The following LRFN2 variants were observed in gnomAD, a reference collection of about 807,000 sequenced individuals.
The protein encoded by LRFN2 is leucine rich repeat and fibronectin type III domain containing 2.
A neutral mutation model predicts 37.3 loss-of-function variants in LRFN2; 18 were observed. The observed-to-expected ratio is 0.48, with a 90% confidence interval of 0.33 to 0.72. The LOEUF (loss-of-function observed/expected upper bound fraction) is 0.72, where lower values mean the gene tolerates loss of function less well. Ranked by LOEUF, LRFN2 falls within the 30% of genes least tolerant of loss-of-function variation. The pLI is 0.02. For missense variants in LRFN2, 1,006 were observed against 1,060.7 expected (o/e 0.95, Z 0.72); for synonymous variants, 556 against 466.6 (o/e 1.19, Z -2.47).
At chr6:40,532,052 C>T (rs1048494899) in intron 1 of LRFN2, among the ~76,000 whole-genome samples, 2 of 152,360 alleles carry the variant, frequency 1.3e-5, no homozygotes, top group South Asian at 2.1e-4. Context: ...TCTAACCCCA[C>T]CTACCTTTCC....
chr6:40,544,170 C>T (rs1014475429), intron 1 of LRFN2, among the ~76,000 whole-genome samples: 3 of 152,280 alleles, frequency 2.0e-5, no homozygotes, highest in South Asian at 2.1e-4. Flanking sequence ...GTGTGTGCTG[C>T]GAGCGCACCA....
chr6:40,496,405 C>T (rs1044666598), intron 1 of LRFN2, among the ~76,000 whole-genome samples: 1 of 152,216 alleles, frequency 6.6e-6, no homozygotes, highest in South Asian at 2.1e-4. Flanking sequence ...GTAAAAGACA[C>T]AGCCCCCACT....
At chr6:40,396,562 G>A (rs543422885) in intron 2 of LRFN2, among the ~76,000 whole-genome samples, 3 of 152,146 alleles carry the variant, frequency 2.0e-5, no homozygotes, top group Non-Finnish European at 4.4e-5. Context: ...CACTGGAACC[G>A]GGATGAAAGG....
intron 1 of LRFN2, among the ~76,000 whole-genome samples, chr6:40,453,060 A>G (rs1040541714): frequency 6.6e-6 from 1 of 152,192 alleles, no homozygotes; most frequent in Non-Finnish European, 1.5e-5. Flanking sequence ...CTCTTCCTCA[A>G]TGGGAATGTT....
chr6:40,572,470 G>C (rs1033657105), intron 1 of LRFN2, among the ~76,000 whole-genome samples: 2 of 152,162 alleles, frequency 1.3e-5, no homozygotes, highest in Admixed American at 1.3e-4. Context: ...ATTACTATGG[G>C]AAGTGTTTGG....
At chr6:40,424,657 C>T (rs1428747219) in intron 2 of LRFN2, among the ~76,000 whole-genome samples, 1 of 152,146 alleles carries the variant, frequency 6.6e-6, no homozygotes, top group Non-Finnish European at 1.5e-5. Context: ...GCTGCCTTTC[C>T]TCCCTGTCCA....
At chr6:40,557,596 G>A (rs1035608224) in intron 1 of LRFN2, among the ~76,000 whole-genome samples, 2 of 152,080 alleles carry the variant, frequency 1.3e-5, no homozygotes, top group Admixed American at 1.3e-4. Flanking sequence ...ATGAGAGTGG[G>A]GTGTGCCCAG....
At chr6:40,548,905 A>G (rs567018047) in intron 1 of LRFN2, among the ~76,000 whole-genome samples, 11 of 152,206 alleles carry the variant, frequency 7.2e-5, no homozygotes, top group Non-Finnish European at 1.3e-4. Flanking sequence ...ACAAACCCAT[A>G]CTTGAGGTCC....
chr6:40,468,138 G>T (rs1223043655), intron 1 of LRFN2, among the ~76,000 whole-genome samples: 2 of 152,112 alleles, frequency 1.3e-5, no homozygotes, highest in African/African-American at 2.4e-5. Context: ...GGGCTGTGGG[G>T]ACTCAGAGGT....
At chr6:40,506,627 C>G (rs572198629) in intron 1 of LRFN2, among the ~76,000 whole-genome samples, 2 of 152,230 alleles carry the variant, frequency 1.3e-5, no homozygotes, top group South Asian at 4.2e-4. Flanking sequence ...TTCCTATATG[C>G]CCTGCAAATC....
At chr6:40,528,363 G>A (rs1561896788) in intron 1 of LRFN2, among the ~76,000 whole-genome samples, 3 of 152,192 alleles carry the variant, frequency 2.0e-5, no homozygotes, top group Admixed American at 6.5e-5. Flanking sequence ...CAACAGAGTC[G>A]CTCAATGAGA....
intron 1 of LRFN2, among the ~76,000 whole-genome samples, chr6:40,504,340 G>A (rs1561883675): frequency 6.6e-6 from 1 of 152,202 alleles, no homozygotes; most frequent in Non-Finnish European, 1.5e-5. Context: ...TTCCTCATCT[G>A]TAAATTGGAA....
chr6:40,426,603 T>C (rs1442892617), intron 2 of LRFN2, among the ~76,000 whole-genome samples: 1 of 152,206 alleles, frequency 6.6e-6, no homozygotes, highest in African/African-American at 2.4e-5. Context: ...TGGAATTTTG[T>C]TTTTGTAACG....
At chr6:40,444,728 C>T (rs1169161026) in intron 1 of LRFN2, among the ~76,000 whole-genome samples, 1 of 152,100 alleles carries the variant, frequency 6.6e-6, no homozygotes, top group East Asian at 1.9e-4. Context: ...AAGTTGATTT[C>T]CAGCCCTGGT....
At chr6:40,566,700 C>A (rs1408197378) in intron 1 of LRFN2, among the ~76,000 whole-genome samples, 1 of 150,158 alleles carries the variant, frequency 6.7e-6, no homozygotes, top group Non-Finnish European at 1.5e-5. Flanking sequence ...CACATGGACA[C>A]AGGAAGGGGA....
intron 2 of LRFN2, among the ~76,000 whole-genome samples, chr6:40,399,506 C>T (rs1325348872): frequency 1.6e-4 from 23 of 142,338 alleles, no homozygotes; most frequent in Admixed American, 1.5e-3. Context: ...TGCGATCTCT[C>T]GGCTCACTGC....
At chr6:40,503,463 A>G (rs566675873) in intron 1 of LRFN2, among the ~76,000 whole-genome samples, 7 of 152,328 alleles carry the variant, frequency 4.6e-5, no homozygotes, top group Middle Eastern at 3.4e-3. Flanking sequence ...ACACAGAGCC[A>G]TGCAAGAAGA....
chr6:40,502,938 G>A (rs1045411424), intron 1 of LRFN2, among the ~76,000 whole-genome samples: 1 of 152,234 alleles, frequency 6.6e-6, no homozygotes, highest in Non-Finnish European at 1.5e-5. Context: ...TCACAAAGGA[G>A]CTGAGATTGG....
intron 1 of LRFN2, among the ~76,000 whole-genome samples, chr6:40,526,598 C>T (rs1459066646): frequency 6.6e-6 from 1 of 152,216 alleles, no homozygotes; most frequent in Non-Finnish European, 1.5e-5. Flanking sequence ...CTCCCACTCT[C>T]TGTCCACTGT....
Sources: gnomAD v4.1 joint callset for allele counts (sites outside exome capture counted in the v4.1 genomes callset) on GRCh38, gnomAD v4.1.1 for gene constraint, MANE v1.5 for transcripts, NCBI Gene and HGNC (gene_info 2026-07-23, HGNC 2026-07-21) for gene names.